PELI1: variants seen among roughly 807,000 people sequenced by gnomAD.
PELI1 encodes E3 ubiquitin-protein ligase pellino homolog 1.
Under a neutral mutation model 41.3 loss-of-function variants are expected in PELI1, and 15 were observed. The ratio of observed to expected loss-of-function variants is 0.36; its 90% confidence interval spans 0.24 to 0.56. The LOEUF is 0.56. PELI1 is among the 20% of genes least tolerant of loss of function. The pLI is 0.82. For missense variants in PELI1, 403 were observed against 525.5 expected (o/e 0.77, Z 2.28); for synonymous variants, 178 against 180.1 (o/e 0.99, Z 0.09).
chr2:64,103,328 G>A (rs971282526), intron 3 of PELI1, among the ~76,000 whole-genome samples: 57 of 152,270 alleles, frequency 3.7e-4, no homozygotes, highest in African/African-American at 1.3e-3. Flanking sequence ...GGTAGTATTA[G>A]CAGTCTAAGG....
intron 2 of PELI1, among the ~76,000 whole-genome samples, chr2:64,105,675 C>T (rs902270076): frequency 6.6e-5 from 10 of 152,182 alleles, no homozygotes; most frequent in Non-Finnish European, 1.2e-4. Context: ...TCTGAAGTGA[C>T]ACTGGCAAAG....
intron 1 of PELI1, among the ~76,000 whole-genome samples, chr2:64,142,214 G>C (rs1681934476): frequency 6.6e-6 from 1 of 152,006 alleles, no homozygotes; most frequent in South Asian, 2.1e-4. Flanking sequence ...ACATATAACT[G>C]TTCTACTTTC....
chr2:64,143,325 T>A (rs1681976702), intron 1 of PELI1: 1 of 152,224 alleles, frequency 6.6e-6, no homozygotes, highest in African/African-American at 2.4e-5. Flanking sequence ...TACCTAGACA[T>A]CTTTTGGACT....
intron 1 of PELI1, among the ~76,000 whole-genome samples, chr2:64,111,436 A>C (rs1680804683): frequency 6.6e-6 from 1 of 152,228 alleles, no homozygotes; most frequent in Admixed American, 6.5e-5. Context: ...AATTCAAAAA[A>C]TTATTTTAAA....
chr2:64,134,588 A>G (rs940552153), intron 1 of PELI1, among the ~76,000 whole-genome samples: 17 of 152,206 alleles, frequency 1.1e-4, no homozygotes, highest in African/African-American at 4.1e-4. Flanking sequence ...CATGAATGAT[A>G]AACTTAGTTT....
chr2:64,122,146 G>A (rs1045019342), intron 1 of PELI1, among the ~76,000 whole-genome samples: 2 of 151,800 alleles, frequency 1.3e-5, no homozygotes, highest in African/African-American at 4.8e-5. Flanking sequence ...ACCTGAAGTA[G>A]TGTTCTTGGT....
intron 4 of PELI1, among the ~76,000 whole-genome samples, chr2:64,098,770 T>C (rs1680325650): frequency 6.6e-6 from 1 of 152,220 alleles, no homozygotes; most frequent in African/African-American, 2.4e-5. Context: ...TCCTAGAATG[T>C]TTCCAGTACA....
intron 1 of PELI1, among the ~76,000 whole-genome samples, chr2:64,122,685 T>C (rs2103720910): frequency 6.6e-6 from 1 of 152,318 alleles, no homozygotes; most frequent in East Asian, 1.9e-4. Context: ...GCAGATGGCA[T>C]TTGCTATTCT....
chr2:64,137,496 T>C (rs762100841), intron 1 of PELI1, among the ~76,000 whole-genome samples: 10 of 152,150 alleles, frequency 6.6e-5, no homozygotes, highest in Admixed American at 1.3e-4. Context: ...TGTGTGTGTG[T>C]GTGCGCATTT....
At chr2:64,130,229 C>A (rs1003939134) in intron 1 of PELI1, among the ~76,000 whole-genome samples, 1 of 152,118 alleles carries the variant, frequency 6.6e-6, no homozygotes, top group Non-Finnish European at 1.5e-5. Flanking sequence ...CCGGGCTAGT[C>A]TGAAACTCCT....
chr2:64,104,810 T>G lies in PELI1; in HGVS notation c.92A>C (p.Asn31Thr). 1 of 1,613,458 alleles carries G rather than the reference T, an allele frequency of 6.2e-7. No homozygotes were observed. The highest frequency in any genetic ancestry group is 8.5e-7 in the Non-Finnish European group (1 of 1,179,674). ...IVLGYNGSLPNGDRGRRKSRF... is the reference protein window; with the variant it reads ...IVLGYNGSLPTGDRGRRKSRF... ...ACTTTTCCTCCTTCCTCTATCGCCA[T>G]TTGGGAGAGACCCATTATACCTGAT... is the stretch of plus-strand genomic sequence containing the variant. The change falls in exon 3 of 7, where the codon AAT (asparagine) becomes ACT (threonine). Residue 31 changes from asparagine (N) to threonine (T), a missense_variant. Asn to Thr is a moderately conservative substitution (Grantham distance 65, BLOSUM62 0). Coordinates refer to ENST00000358912, the MANE Select transcript of PELI1 (RefSeq NM_020651.4).
intron 1 of PELI1, among the ~76,000 whole-genome samples, chr2:64,135,478 A>G (rs1681687300): frequency 6.6e-6 from 1 of 152,170 alleles, no homozygotes; most frequent in Non-Finnish European, 1.5e-5. Context: ...TTATAACCTT[A>G]ATTCATTCCA....
chr2:64,112,413 T>C (rs559515822), intron 1 of PELI1, among the ~76,000 whole-genome samples: 2 of 152,238 alleles, frequency 1.3e-5, no homozygotes, highest in South Asian at 4.1e-4. Flanking sequence ...TTTAGTTCTA[T>C]TGCGTCTATA....
chr2:64,142,963 T>A (rs1681961679), intron 1 of PELI1, among the ~76,000 whole-genome samples: 1 of 152,210 alleles, frequency 6.6e-6, no homozygotes, highest in Admixed American at 6.5e-5. Flanking sequence ...AAAGCTTCAG[T>A]TTTTAGCACA....
intron 2 of PELI1, chr2:64,106,391 C>T (rs1454611228): frequency 1.3e-5 from 2 of 152,172 alleles, no homozygotes; most frequent in Non-Finnish European, 2.9e-5. Context: ...AACTGAGGAA[C>T]CCATAGGCTA....
At chr2:64,102,840 T>C (rs1260409668) in intron 3 of PELI1, among the ~76,000 whole-genome samples, 2 of 131,482 alleles carry the variant, frequency 1.5e-5, no homozygotes, top group East Asian at 4.2e-4. Context: ...TCAATCTTTT[T>C]TTTTTTTTTT....
At chr2:64,096,929 G>A (rs1680258580) in intron 4 of PELI1, among the ~76,000 whole-genome samples, 1 of 152,202 alleles carries the variant, frequency 6.6e-6, no homozygotes. Context: ...ATGGAAATAT[G>A]TGTATCATGT....
At chr2:64,113,370 C>A (rs1293667721) in intron 1 of PELI1, among the ~76,000 whole-genome samples, 1 of 151,850 alleles carries the variant, frequency 6.6e-6, no homozygotes, top group Admixed American at 6.6e-5. Flanking sequence ...AAAAAACATC[C>A]GAATGTCTCG....
chr2:64,104,463 T>G, intron 3 of PELI1: 1 of 415,356 alleles, frequency 2.4e-6, no homozygotes, highest in Non-Finnish European at 4.0e-6. Flanking sequence ...GGAAACAGAG[T>G]GTTTCCTTCT....
Sources: allele counts gnomAD v4.1 joint callset (sites outside exome capture counted in the v4.1 genomes callset), GRCh38; gene constraint gnomAD v4.1.1; transcripts MANE v1.5; gene names NCBI Gene and HGNC (gene_info 2026-07-23, HGNC 2026-07-21).